Variants in LHFPL3 observed in about 807,000 individuals in gnomAD.
The protein encoded by LHFPL3 is LHFPL tetraspan subfamily member 3, also known as LHFPL tetraspan subfamily member 3 protein.
LHFPL3 carries 5 observed loss-of-function variants against 19.3 expected under a neutral mutation model. The observed-to-expected ratio is 0.26, with a 90% CI of 0.14 to 0.54. LHFPL3 has a LOEUF of 0.54. Among genes scored for constraint, LHFPL3 ranks in the 20% least tolerant of loss-of-function variants. LHFPL3 has a pLI of 0.94. For missense variants in LHFPL3, 249 were observed against 307.4 expected (o/e 0.81, Z 1.42); for synonymous variants, 133 against 126.2 (o/e 1.05, Z -0.36).
At chr7:104,820,709 C>T (rs1398042441) in intron 2 of LHFPL3, among the ~76,000 whole-genome samples, 1 of 152,156 alleles carries the variant, frequency 6.6e-6, no homozygotes, top group Non-Finnish European at 1.5e-5. Context: ...CCTTCACTGC[C>T]TCAGGGAGCA....
chr7:104,641,841 C>T (rs1791841411), intron 1 of LHFPL3, among the ~76,000 whole-genome samples: 2 of 152,122 alleles, frequency 1.3e-5, no homozygotes, highest in Non-Finnish European at 2.9e-5. Context: ...GAAAAAAATA[C>T]TTTCCCCTGT....
At chr7:104,596,699 G>A (rs951814986) in intron 1 of LHFPL3, among the ~76,000 whole-genome samples, 4 of 152,150 alleles carry the variant, frequency 2.6e-5, no homozygotes, top group African/African-American at 9.7e-5. Flanking sequence ...ACTGGCATAG[G>A]GTGGAGGCTA....
intron 2 of LHFPL3, among the ~76,000 whole-genome samples, chr7:104,855,813 T>C (rs1006454407): frequency 1.3e-5 from 2 of 152,124 alleles, no homozygotes; most frequent in Non-Finnish European, 2.9e-5. Context: ...TTTTACCTTG[T>C]TGCCCAGGCT....
At chr7:104,718,446 C>G (rs1476660393) in intron 1 of LHFPL3, among the ~76,000 whole-genome samples, 1 of 152,142 alleles carries the variant, frequency 6.6e-6, no homozygotes, top group African/African-American at 2.4e-5. Context: ...TTAAATTACT[C>G]CTAAGGCCAG....
chr7:104,602,024 T>TC (rs1790981075), intron 1 of LHFPL3, among the ~76,000 whole-genome samples: 2 of 133,522 alleles, frequency 1.5e-5, no homozygotes, highest in African/African-American at 2.8e-5. Flanking sequence ...TCTTTTCTTT[T>TC]TTTTTTTTTT....
At chr7:104,769,256 G>A (rs1363507911) in intron 2 of LHFPL3, among the ~76,000 whole-genome samples, 1 of 152,178 alleles carries the variant, frequency 6.6e-6, no homozygotes, top group African/African-American at 2.4e-5. Flanking sequence ...GGAAGAGCAA[G>A]TTTTGAAGAC....
chr7:104,631,753 A>G (rs1791646085), intron 1 of LHFPL3, among the ~76,000 whole-genome samples: 1 of 152,176 alleles, frequency 6.6e-6, no homozygotes, highest in Non-Finnish European at 1.5e-5. Context: ...CTGAAACAGG[A>G]TGATGAAGAG....
At chr7:104,821,423 G>C (rs969860849) in intron 2 of LHFPL3, among the ~76,000 whole-genome samples, 10 of 152,226 alleles carry the variant, frequency 6.6e-5, no homozygotes, top group African/African-American at 2.4e-4. Flanking sequence ...GTTTCATGCA[G>C]ATTCACTGTC....
At chr7:104,419,406 G>A (rs149654024) in intron 1 of LHFPL3, among the ~76,000 whole-genome samples, 4 of 152,226 alleles carry the variant, frequency 2.6e-5, no homozygotes, top group Admixed American at 1.3e-4. Flanking sequence ...ACAGTCAAGA[G>A]ATTAAAATAG....
At chr7:104,883,057 A>G (rs1792085837) in intron 2 of LHFPL3, among the ~76,000 whole-genome samples, 1 of 152,206 alleles carries the variant, frequency 6.6e-6, no homozygotes, top group South Asian at 2.1e-4. Flanking sequence ...GGCATTCTGT[A>G]TTTTTATTTG....
chr7:104,349,934 T>C (rs6958831), intron 1 of LHFPL3, among the ~76,000 whole-genome samples: 1 of 152,212 alleles, frequency 6.6e-6, no homozygotes, highest in South Asian at 2.1e-4. Context: ...CGAAGCTAGT[T>C]CCTTTTGCCC....
chr7:104,772,590 G>A (rs890345745), intron 2 of LHFPL3, among the ~76,000 whole-genome samples: 19 of 152,194 alleles, frequency 1.2e-4, no homozygotes, highest in Non-Finnish European at 2.1e-4. Context: ...GGCAGGCTGC[G>A]CTAGACTGCA....
chr7:104,738,932 G>C (rs1793880682), intron 2 of LHFPL3: 1 of 152,054 alleles, frequency 6.6e-6, no homozygotes, highest in South Asian at 2.1e-4. Flanking sequence ...TTGCATATGT[G>C]ACCGTAGTTT....
At chr7:104,581,654 C>T (rs1790463658) in intron 1 of LHFPL3, among the ~76,000 whole-genome samples, 1 of 151,996 alleles carries the variant, frequency 6.6e-6, no homozygotes, top group African/African-American at 2.4e-5. Context: ...AATCTATAAT[C>T]TATCTCAAAT....
chr7:104,444,056 G>A (rs1226780527), intron 1 of LHFPL3, among the ~76,000 whole-genome samples: 3 of 152,224 alleles, frequency 2.0e-5, no homozygotes, highest in Non-Finnish European at 4.4e-5. Context: ...TAGAGGATGG[G>A]AAGACTATCA....
chr7:104,690,643 G>T (rs1384248214), intron 1 of LHFPL3, among the ~76,000 whole-genome samples: 1 of 152,204 alleles, frequency 6.6e-6, no homozygotes, highest in Non-Finnish European at 1.5e-5. Context: ...CCCATGGCAT[G>T]GGGCCTGTCA....
At chr7:104,808,159 A>C (rs963284174) in intron 2 of LHFPL3, among the ~76,000 whole-genome samples, 6 of 152,200 alleles carry the variant, frequency 3.9e-5, no homozygotes, top group African/African-American at 1.4e-4. Context: ...GAGGCACAGA[A>C]TCGCAAACTA....
In LHFPL3 at chr7:104,743,018, C is replaced by T. The variant is rs1000817321; in HGVS notation, c.682+6107C>T. ...CACCTGTAGTTCCAGCTACTCAGGACGCTGAGGCAGGAGAATCTCTTGAAC... is the reference window on the plus strand; with the variant it reads ...CACCTGTAGTTCCAGCTACTCAGGATGCTGAGGCAGGAGAATCTCTTGAAC... On this transcript the variant is annotated intron_variant, in intron 2 of 2. Transcript: ENST00000424859. Among the ~76,000 whole-genome samples, 10 of 151,950 alleles carry T rather than the reference C, an allele frequency of 6.6e-5. No homozygotes were observed. In the East Asian group the frequency reaches 7.7e-4, roughly 12 times the overall value.
chr7:104,644,855 C>G (rs1791903792), intron 1 of LHFPL3, among the ~76,000 whole-genome samples: 2 of 152,160 alleles, frequency 1.3e-5, no homozygotes, highest in Non-Finnish European at 2.9e-5. Context: ...GAGGCCCAAG[C>G]TTCATGCCAG....
Sources: allele counts gnomAD v4.1 joint callset (sites outside exome capture counted in the v4.1 genomes callset), GRCh38; gene constraint gnomAD v4.1.1; transcripts MANE v1.5; gene names NCBI Gene and HGNC (gene_info 2026-07-23, HGNC 2026-07-21).